The following TANC2 variants were observed in gnomAD, a reference collection of about 807,000 sequenced individuals.
TANC2 encodes the protein tetratricopeptide repeat, ankyrin repeat and coiled-coil containing 2.
A neutral mutation model predicts 210.5 loss-of-function variants in TANC2; 26 were observed. That is an observed-to-expected ratio of 0.12 (90% CI 0.09 to 0.17). TANC2 has a LOEUF of 0.17. TANC2 is among the 10% of genes least tolerant of loss of function. TANC2 has a pLI of 1.00. For synonymous variants in TANC2, 931 were observed against 967.1 expected, an observed-to-expected ratio of 0.96 and a Z score of 0.69; for missense variants, 2,129 against 2,608.9, an observed-to-expected ratio of 0.82 and a Z score of 4.01.
intron 1 of TANC2, among the ~76,000 whole-genome samples, chr17:63,005,481 C>CA (rs34681292): frequency 0.24 from 35,663 of 146,052 alleles, 4,395 homozygotes; most frequent in South Asian, 0.36. Flanking sequence ...TAAAAAATAA[C>CA]AAAAAAAAAA....
chr17:63,345,143 G>T (rs1346330276), intron 12 of TANC2, among the ~76,000 whole-genome samples: 4 of 152,056 alleles, frequency 2.6e-5, no homozygotes, highest in African/African-American at 7.2e-5. Context: ...GAATAAATAC[G>T]ATTTTCAGTG....
chr17:63,055,984 AAAAAAAATATATATATATAT>A (rs1225949608), intron 2 of TANC2, among the ~76,000 whole-genome samples: 331 of 17,222 alleles, frequency 0.019, 2 homozygotes, highest in South Asian at 0.038. Flanking sequence ...AAAAAAAAAA[AAAAAAAATATATATATATAT>A]ATATATATAT....
intron 15 of TANC2, among the ~76,000 whole-genome samples, chr17:63,382,463 CCT>C (rs2147099730): frequency 6.6e-6 from 1 of 152,290 alleles, no homozygotes; most frequent in East Asian, 1.9e-4. Flanking sequence ...TCAATTCTTA[CCT>C]CTTTTTTTCT....
intron 1 of TANC2, chr17:62,978,909 A>G (rs1205886595): frequency 2.6e-5 from 4 of 152,194 alleles, no homozygotes; most frequent in African/African-American, 9.7e-5. Context: ...GTTGATTTCA[A>G]TAGATGCCAG....
intron 15 of TANC2, chr17:63,381,431 T>C (rs530608001): frequency 6.6e-6 from 1 of 152,348 alleles, no homozygotes; most frequent in East Asian, 1.9e-4. Flanking sequence ...ATCCTTTAAA[T>C]GCAGTGTTCC....
At chr17:63,307,066 T>C (rs2044937614) in intron 9 of TANC2, among the ~76,000 whole-genome samples, 1 of 152,144 alleles carries the variant, frequency 6.6e-6, no homozygotes, top group Non-Finnish European at 1.5e-5. Flanking sequence ...AGCTGGGGCA[T>C]AGACTGAGGG....
At chr17:63,287,367 CTTAT>C (rs1304913383) in intron 9 of TANC2, among the ~76,000 whole-genome samples, 2 of 152,068 alleles carry the variant, frequency 1.3e-5, no homozygotes, top group South Asian at 2.1e-4. Flanking sequence ...TAACATCTGT[CTTAT>C]TTGTCAGTTT....
intron 7 of TANC2, among the ~76,000 whole-genome samples, chr17:63,232,862 A>C (rs905810662): frequency 5.3e-5 from 8 of 152,216 alleles, no homozygotes; most frequent in Non-Finnish European, 7.3e-5. Context: ...GGGAAAGACT[A>C]AGTCCGCTGA....
exon 11 of TANC2, chr17:63,318,969 A>T (rs1418458184): frequency 3.7e-6 from 6 of 1,613,000 alleles, no homozygotes; most frequent in Admixed American, 1.7e-5. Context: ...GTGGATGCCA[A>T]CAGAGAGCTG....
chr17:63,245,829 C>T (rs1473744796), intron 8 of TANC2, among the ~76,000 whole-genome samples: 1 of 133,916 alleles, frequency 7.5e-6, no homozygotes, highest in Non-Finnish European at 1.6e-5. Context: ...GGCAACAAGG[C>T]GGGACTCCTT....
intron 8 of TANC2, among the ~76,000 whole-genome samples, chr17:63,245,826 A>G (rs1415524189): frequency 1.4e-5 from 2 of 141,142 alleles, no homozygotes; most frequent in Non-Finnish European, 3.1e-5. Context: ...CTGGGCAACA[A>G]GGCGGGACTC....
At chr17:63,206,145 T>C (rs1019164778) in intron 7 of TANC2, among the ~76,000 whole-genome samples, 4 of 152,000 alleles carry the variant, frequency 2.6e-5, no homozygotes, top group Non-Finnish European at 4.4e-5. Flanking sequence ...AAAACCACAA[T>C]AAAACACTAC....
chr17:63,329,531 G>A (rs957171789), intron 11 of TANC2, among the ~76,000 whole-genome samples: 2 of 152,128 alleles, frequency 1.3e-5, no homozygotes, highest in African/African-American at 4.8e-5. Context: ...ACTGGAGCAC[G>A]CCTGTCAACA....
At chr17:63,224,462 C>T (rs117273369) in intron 7 of TANC2, among the ~76,000 whole-genome samples, 3,130 of 152,168 alleles carry the variant, frequency 0.021, 40 homozygotes, top group South Asian at 0.038. Context: ...GTGTTGGCCA[C>T]GGTGGTCTCA....
intron 1 of TANC2, among the ~76,000 whole-genome samples, chr17:62,981,525 C>G (rs961055919): frequency 1.3e-5 from 2 of 152,164 alleles, no homozygotes; most frequent in African/African-American, 2.4e-5. Flanking sequence ...AGCTTTGTAT[C>G]TCATGTCATC....
chr17:63,181,635 ACACCTCCTAC>A (rs2040788173), intron 5 of TANC2, among the ~76,000 whole-genome samples: 1 of 152,220 alleles, frequency 6.6e-6, no homozygotes, highest in Admixed American at 6.5e-5. Context: ...CTTGACACCG[ACACCTCCTAC>A]CACCTTAAAT....
At chr17:63,266,471 T>TAAAAA (rs2043530416) in intron 8 of TANC2, among the ~76,000 whole-genome samples, 2 of 152,202 alleles carry the variant, frequency 1.3e-5, no homozygotes, top group Non-Finnish European at 2.9e-5. Flanking sequence ...AGGTTGGAGA[T>TAAAAA]GTAAGTTTAC....
intron 2 of TANC2, among the ~76,000 whole-genome samples, chr17:63,030,929 G>A (rs891697619): frequency 2.6e-5 from 4 of 152,010 alleles, no homozygotes; most frequent in Admixed American, 2.6e-4. Flanking sequence ...ACCACCTTAA[G>A]TTTGTTAATA....
intron 4 of TANC2, among the ~76,000 whole-genome samples, chr17:63,113,278 A>ATGGG: frequency 6.6e-6 from 1 of 152,274 alleles, no homozygotes; most frequent in Middle Eastern, 3.4e-3. Context: ...ATTATAGAAA[A>ATGGG]TTATGCACCC....
Sources: gnomAD v4.1 joint callset for allele counts (sites outside exome capture counted in the v4.1 genomes callset) on GRCh38, gnomAD v4.1.1 for gene constraint, MANE v1.5 for transcripts, NCBI Gene and HGNC (gene_info 2026-07-23, HGNC 2026-07-21) for gene names.